The following CENPP variants were observed in gnomAD, a reference collection of about 807,000 sequenced individuals.
CENPP encodes the protein centromere protein P.
CENPP carries 24 observed loss-of-function variants against 35.6 expected under a neutral mutation model. That is an observed-to-expected ratio of 0.67 (90% CI 0.49 to 0.95). The LOEUF is 0.95. CENPP is among the 40% of genes least tolerant of loss of function. The probability of loss-of-function intolerance (pLI) is 0.00; values close to 1 mark genes in which losing one functional copy is unlikely to be tolerated. For missense variants in CENPP, 332 were observed against 345.3 expected (o/e 0.96, Z 0.31); for synonymous variants, 120 against 125.5 (o/e 0.96, Z 0.29).
intron 5 of CENPP, among the ~76,000 whole-genome samples, chr9:92,604,764 T>G (rs1851025992): frequency 6.6e-6 from 1 of 151,826 alleles, no homozygotes; most frequent in African/African-American, 2.4e-5. Context: ...CCAGCTAATT[T>G]TTGTATTATT....
chr9:92,472,227 C>T (rs1241348767), intron 5 of CENPP, among the ~76,000 whole-genome samples: 2 of 151,778 alleles, frequency 1.3e-5, no homozygotes, highest in Non-Finnish European at 2.9e-5. Flanking sequence ...CATTGTTACA[C>T]GTGCCTGTAG....
At chr9:92,483,523 C>T (rs546363028) in intron 5 of CENPP, among the ~76,000 whole-genome samples, 4 of 152,302 alleles carry the variant, frequency 2.6e-5, no homozygotes, top group African/African-American at 7.2e-5. Context: ...CCACCATGGC[C>T]GGCCTGAGAG....
Position 92,619,418 on chromosome 9 carries a change from A to G in CENPP, c.*6269A>G. On this transcript the variant is annotated 3_prime_UTR_variant, in exon 8 of 8. Transcript: ENST00000375587. ...ATATGGGGAAACCAACTATCCTATT[A>G]ACAATTCACCAACTGTCCATAAAAC... 4.7e-6 allele frequency: 6 copies of G among 1,269,122 alleles called. No homozygotes were observed. In the South Asian group the frequency reaches 7.7e-5, roughly 16 times the overall value. The allele number at this position is 1,269,122 out of a possible 1,614,324, so 78.6% of individuals were successfully genotyped here. A position where few individuals can be genotyped will look rare whatever the true frequency, so the allele number is the denominator to read the frequency against.
intron 5 of CENPP, among the ~76,000 whole-genome samples, chr9:92,520,594 G>A (rs1185306050): frequency 6.6e-6 from 1 of 152,172 alleles, no homozygotes; most frequent in Non-Finnish European, 1.5e-5. Flanking sequence ...TGGCCCAACA[G>A]TTCCCCTCCT....
intron 5 of CENPP, among the ~76,000 whole-genome samples, chr9:92,565,350 A>G (rs1277744352): frequency 6.7e-6 from 1 of 150,284 alleles, no homozygotes; most frequent in East Asian, 2.0e-4. Flanking sequence ...ACGTTTACGA[A>G]TTTTGTGTTG....
In CENPP at chr9:92,496,371, A is replaced by G. The variant is rs144194365; in HGVS notation, c.565-114943A>G. The G allele has an allele frequency of 2.0e-4, 318 of 1,606,474 alleles. No homozygotes were observed. The highest frequency in any genetic ancestry group is 2.6e-4 in the Non-Finnish European group (309 of 1,177,660). On this transcript the variant is annotated intron_variant, in intron 5 of 7. Coordinates refer to ENST00000375587, the MANE Select transcript of CENPP (RefSeq NM_001012267.3). The stretch of plus-strand genomic sequence containing the variant: ...CTTGAGTATGATCTTATGCATGAAA[A>G]TGTGTAAGATGGTATTTCTCTAATT...
intron 5 of CENPP, among the ~76,000 whole-genome samples, chr9:92,433,092 C>G (rs1181697187): frequency 4.6e-5 from 7 of 152,086 alleles, no homozygotes; most frequent in Non-Finnish European, 1.0e-4. Context: ...TAACAGAATA[C>G]CACGCAATGA....
intron 4 of CENPP, among the ~76,000 whole-genome samples, chr9:92,367,526 C>T (rs2895211): frequency 6.2e-4 from 95 of 152,218 alleles, no homozygotes; most frequent in Non-Finnish European, 1.2e-3. Flanking sequence ...GCCTCCTTAT[C>T]CCTAGAGAAC....
intron 4 of CENPP, among the ~76,000 whole-genome samples, chr9:92,377,042 A>G (rs1398493830): frequency 6.6e-6 from 1 of 151,896 alleles, no homozygotes; most frequent in African/African-American, 2.4e-5. Flanking sequence ...CAAAAAAAAA[A>G]AAAGAAAGAA....
chr9:92,498,720 A>G (rs1846500786), intron 5 of CENPP, among the ~76,000 whole-genome samples: 1 of 152,148 alleles, frequency 6.6e-6, no homozygotes, highest in African/African-American at 2.4e-5. Context: ...GCTACCAAAA[A>G]ATAATAAACT....
chr9:92,614,365 G>C lies in CENPP; in HGVS notation c.*1216G>C, dbSNP rs575680608. On this transcript the variant is annotated 3_prime_UTR_variant, in exon 8 of 8. Transcript: ENST00000375587. Reference sequence around the variant, plus strand: ...ACCTCCACGCTTCCCAGAGCCTGCGGCTTGTCCGTGAGCTCCGTGCACTTC... The same window carrying C: ...ACCTCCACGCTTCCCAGAGCCTGCGCCTTGTCCGTGAGCTCCGTGCACTTC... The C allele has an allele frequency of 6.6e-6, 1 of 152,502 alleles. No homozygotes were observed. The highest frequency in any genetic ancestry group is 1.5e-5 in the Non-Finnish European group (1 of 68,144). 9.4% of individuals were successfully genotyped at this position (152,502 alleles called of 1,614,324 possible). A position where few individuals can be genotyped will look rare whatever the true frequency, so the allele number is the denominator to read the frequency against.
chr9:92,455,648 C>T (rs7872739), intron 5 of CENPP, among the ~76,000 whole-genome samples: 38,774 of 152,032 alleles, frequency 0.26, 7,093 homozygotes, highest in African/African-American at 0.51. Flanking sequence ...CTTTCCCCCT[C>T]GCCCCCAAGT....
chr9:92,460,474 C>T (rs1410289931), intron 5 of CENPP: 11 of 1,577,882 alleles, frequency 7.0e-6, no homozygotes, highest in African/African-American at 2.7e-5. Flanking sequence ...GAACGTTTAC[C>T]TTTGTAGTTC....
chr9:92,609,164 G>GT (rs1436234606), intron 5 of CENPP, among the ~76,000 whole-genome samples: 1 of 152,256 alleles, frequency 6.6e-6, no homozygotes, highest in Non-Finnish European at 1.5e-5. Context: ...GCTGAAGTTA[G>GT]TAATTGTAAG....
intron 5 of CENPP, among the ~76,000 whole-genome samples, chr9:92,571,571 A>G (rs778898721): frequency 6.9e-4 from 105 of 152,188 alleles, no homozygotes; most frequent in Non-Finnish European, 1.1e-3. Flanking sequence ...TTTGGAGTGG[A>G]GAGTTCTGTA....
At chr9:92,400,995 A>C (rs761440139) in intron 5 of CENPP, 1 of 632,804 alleles carries the variant, frequency 1.6e-6, no homozygotes, top group Non-Finnish European at 2.8e-6. Flanking sequence ...GTTTGTATTT[A>C]CTGTATCTTG....
intron 5 of CENPP, among the ~76,000 whole-genome samples, chr9:92,545,620 T>C (rs1849420979): frequency 6.6e-6 from 1 of 152,136 alleles, no homozygotes; most frequent in Non-Finnish European, 1.5e-5. Flanking sequence ...GCCCAAGGGC[T>C]GAGGAGTGCG....
intron 5 of CENPP, chr9:92,496,445 T>G: frequency 2.5e-6 from 4 of 1,609,360 alleles, no homozygotes; most frequent in Non-Finnish European, 3.4e-6. Flanking sequence ...TGAGTCATCA[T>G]CCTCTTCAGC....
chr9:92,552,225 T>G, intron 5 of CENPP, among the ~76,000 whole-genome samples: 2 of 145,290 alleles, frequency 1.4e-5, no homozygotes, highest in Admixed American at 6.9e-5. Context: ...ACCCCACAGT[T>G]TCTTTATCCA....
Sources: gnomAD v4.1 joint callset for allele counts (sites outside exome capture counted in the v4.1 genomes callset) on GRCh38, gnomAD v4.1.1 for gene constraint, MANE v1.5 for transcripts, NCBI Gene and HGNC (gene_info 2026-07-23, HGNC 2026-07-21) for gene names.